FHOD3: variants seen among roughly 807,000 people sequenced by gnomAD.
The protein encoded by FHOD3 is formin homology 2 domain containing 3.
In FHOD3, 90 loss-of-function variants were observed where a neutral mutation model predicts 173.0. The observed-to-expected ratio is 0.52, with a 90% CI of 0.44 to 0.62. The LOEUF is 0.62. Ranked by LOEUF, FHOD3 falls within the 20% of genes least tolerant of loss-of-function variation. The pLI is 0.00. For missense variants in FHOD3, 1,945 were observed against 2,034.7 expected (o/e 0.96, Z 0.85); for synonymous variants, 828 against 823.0 (o/e 1.01, Z -0.10).
intron 28 of FHOD3, 85 bp downstream of exon 28, chr18:36,769,511 C>A: frequency 6.7e-7 from 1 of 1,483,442 alleles, no homozygotes; most frequent in Non-Finnish European, 9.1e-7. Context: ...GGTGGAGACA[C>A]AGCTCCAGTG....
intron 16 of FHOD3, among the ~76,000 whole-genome samples, chr18:36,689,246 T>G (rs2038813307): frequency 6.6e-6 from 1 of 152,136 alleles, no homozygotes; most frequent in South Asian, 2.1e-4. Context: ...AAATGGAAAC[T>G]AGTAGAGATC....
chr18:36,651,213 G>C (rs1328052951), intron 11 of FHOD3, among the ~76,000 whole-genome samples: 2 of 152,036 alleles, frequency 1.3e-5, no homozygotes, highest in Non-Finnish European at 2.9e-5. Flanking sequence ...GAAACTGTTG[G>C]GTGCCTGCCC....
chr18:36,676,729 A>G (rs552838832), intron 14 of FHOD3, among the ~76,000 whole-genome samples: 1 of 152,232 alleles, frequency 6.6e-6, no homozygotes, highest in Non-Finnish European at 1.5e-5. Flanking sequence ...GTGAAACAGT[A>G]TATCACTGTG....
At chr18:36,632,650 T>C (rs1389645036) in intron 10 of FHOD3, among the ~76,000 whole-genome samples, 4 of 152,184 alleles carry the variant, frequency 2.6e-5, no homozygotes, top group Non-Finnish European at 4.4e-5. Context: ...CTCAGCAATG[T>C]GTGTCCTCTT....
At chr18:36,502,112 T>C (rs2055061843) in intron 4 of FHOD3, 113 bp downstream of exon 4, 1 of 580,936 alleles carries the variant, frequency 1.7e-6, no homozygotes, top group Non-Finnish European at 2.9e-6. Context: ...TAGATTACAA[T>C]ATTTATATTT....
At chr18:36,734,445 G>A (rs1387098927) in intron 20 of FHOD3, among the ~76,000 whole-genome samples, 3 of 152,062 alleles carry the variant, frequency 2.0e-5, no homozygotes, top group East Asian at 3.9e-4. Context: ...AAATCACCCT[G>A]GTTGAGAGCC....
At chr18:36,775,514 T>A (rs959761071) in intron 28 of FHOD3, among the ~76,000 whole-genome samples, 6 of 152,170 alleles carry the variant, frequency 3.9e-5, no homozygotes, top group Non-Finnish European at 5.9e-5. Context: ...TGCTCACTTA[T>A]TGAAGATATA....
Position 36,541,315 on chromosome 18 carries a change from A to G in FHOD3, c.511+28772A>G, listed in dbSNP as rs555922054. Among the ~76,000 whole-genome samples the G allele has an allele frequency of 6.6e-5, 10 of 151,730 alleles. No individual in the cohort carries two copies. In the East Asian group the frequency reaches 1.2e-3, roughly 18 times the overall value. On this transcript the variant is annotated intron_variant, in intron 5 of 28. Coordinates refer to ENST00000590592, the MANE Select transcript of FHOD3 (RefSeq NM_001281740.3). ...AAGTGTTGGCAGGGCGTGGTGCCTC[A>G]TGCCTGTAATCCCAGCACTTTCAGA...
chr18:36,517,817 T>A (rs947798093), intron 5 of FHOD3, among the ~76,000 whole-genome samples: 5 of 152,332 alleles, frequency 3.3e-5, no homozygotes, highest in East Asian at 3.9e-4. Context: ...GATATTTTTT[T>A]AAAAATGCAG....
At chr18:36,307,347 G>A (rs1477878102) in intron 1 of FHOD3, among the ~76,000 whole-genome samples, 3 of 152,170 alleles carry the variant, frequency 2.0e-5, no homozygotes, top group Admixed American at 2.0e-4. Flanking sequence ...GGATGGACAT[G>A]GCCCTTGAAA....
At chr18:36,380,463 TCCTCCCTTCATTCC>T (rs1337902679) in intron 3 of FHOD3, among the ~76,000 whole-genome samples, 1 of 141,368 alleles carries the variant, frequency 7.1e-6, no homozygotes, top group African/African-American at 2.6e-5. Context: ...CTCACTCCCT[TCCTCCCTTCATTCC>T]CCTCCCTCCC....
At chr18:36,385,569 A>C (rs2047990743) in intron 3 of FHOD3, among the ~76,000 whole-genome samples, 1 of 151,820 alleles carries the variant, frequency 6.6e-6, no homozygotes, top group Non-Finnish European at 1.5e-5. Context: ...GCTAATTTTC[A>C]TATTTTTCGT....
At chr18:36,444,060 G>T (rs1170098410) in intron 3 of FHOD3, among the ~76,000 whole-genome samples, 2 of 151,988 alleles carry the variant, frequency 1.3e-5, no homozygotes, top group African/African-American at 4.8e-5. Context: ...GGGGGCAGTG[G>T]CGGGCGCCTG....
chr18:36,536,058 T>C (rs2056979208), intron 5 of FHOD3, among the ~76,000 whole-genome samples: 2 of 152,246 alleles, frequency 1.3e-5, no homozygotes, highest in Non-Finnish European at 2.9e-5. Context: ...TTTCACTTAA[T>C]TGGGGTCCAA....
At chr18:36,633,297 T>C (rs972883747) in intron 10 of FHOD3, among the ~76,000 whole-genome samples, 13 of 152,188 alleles carry the variant, frequency 8.5e-5, no homozygotes, top group African/African-American at 3.1e-4. Flanking sequence ...TTTTCTCTCT[T>C]AGGAGACCGC....
intron 3 of FHOD3, among the ~76,000 whole-genome samples, chr18:36,480,252 G>A (rs866330284): frequency 3.9e-5 from 6 of 152,204 alleles, no homozygotes; most frequent in South Asian, 2.1e-4. Flanking sequence ...ACCTTGCCTC[G>A]TCCACTGCTT....
chr18:36,316,376 A>G (rs1253915046), intron 1 of FHOD3, among the ~76,000 whole-genome samples: 1 of 152,136 alleles, frequency 6.6e-6, no homozygotes, highest in Non-Finnish European at 1.5e-5. Context: ...GCTCCTCTAG[A>G]GGGTCTACCA....
At chr18:36,584,866 C>CA (rs1341551061) in intron 6 of FHOD3, among the ~76,000 whole-genome samples, 1 of 151,800 alleles carries the variant, frequency 6.6e-6, no homozygotes, top group Non-Finnish European at 1.5e-5. Flanking sequence ...TTTGTGATTA[C>CA]AAAAATAACA....
At chr18:36,561,224 A>G (rs1411512979) in intron 5 of FHOD3, among the ~76,000 whole-genome samples, 2 of 152,272 alleles carry the variant, frequency 1.3e-5, no homozygotes, top group Admixed American at 1.3e-4. Flanking sequence ...GCCAGTAATT[A>G]CTATAAGGAT....
Sources: gnomAD v4.1 joint callset for allele counts (sites outside exome capture counted in the v4.1 genomes callset) on GRCh38, gnomAD v4.1.1 for gene constraint, MANE v1.5 for transcripts, NCBI Gene and HGNC (gene_info 2026-07-23, HGNC 2026-07-21) for gene names.